PANK4: variants seen among roughly 807,000 people sequenced by gnomAD.
PANK4 encodes 4'-phosphopantetheine phosphatase.
Under a neutral mutation model 87.9 loss-of-function variants are expected in PANK4, and 40 were observed. The ratio of observed to expected loss-of-function variants is 0.46; its 90% CI spans 0.35 to 0.59. The LOEUF (loss-of-function observed/expected upper bound fraction) is 0.59. PANK4 is among the 20% of genes least tolerant of loss of function. The pLI, the probability that PANK4 is intolerant of heterozygous loss-of-function variation, is 0.00. For synonymous variants in PANK4, 524 were observed against 467.4 expected (o/e 1.12, Z -1.56); for missense variants, 926 against 1,072.3 (o/e 0.86, Z 1.90).
In PANK4 at chr1:2,509,685, A is replaced by T; in HGVS notation, c.2108+177T>A. 1.6e-6 allele frequency: 1 copy of T among 639,408 alleles called. No individual in the cohort carries two copies. The highest frequency in any genetic ancestry group is 2.8e-6 in the Non-Finnish European group (1 of 353,720). The allele number at this position is 639,408 out of a possible 1,614,324, so 39.6% of individuals were successfully genotyped here. A position where few individuals can be genotyped will look rare whatever the true frequency, so the allele number is the denominator to read the frequency against. On this transcript the variant is annotated intron_variant, in intron 18 of 18. Transcript: ENST00000378466. This position sits in a 1 kb window ranked among gnomAD's most constrained non-coding sequence, Gnocchi z 4.9. ...GACCCTGAATCCATTCACCCTCCCCAGGCCACCTTCGGGGATGGCATATCT... is the reference window on the plus strand; with the variant it reads ...GACCCTGAATCCATTCACCCTCCCCTGGCCACCTTCGGGGATGGCATATCT...
intron 14 of PANK4, 41 bp downstream of exon 14, chr1:2,511,587 C>G (rs755645104): frequency 4.8e-6 from 7 of 1,445,408 alleles, no homozygotes; most frequent in African/African-American, 1.4e-5. Flanking sequence ...AGGCATGGCC[C>G]CAGCACAAGG....
chr1:2,510,273 G>T lies in PANK4; in HGVS notation c.1939-116C>A. On this transcript the variant is annotated intron_variant, in intron 16 of 18. Coordinates refer to ENST00000378466, the MANE Select transcript of PANK4 (RefSeq NM_018216.4). The surrounding 1 kb of genome is among the most constrained non-coding windows in gnomAD (Gnocchi z 4.9). ...TGAGGGTGCTGTGCCCAGCGGGCCTGGCCAGCCACCTGCTGCTGAGGAGCA... is the reference window on the plus strand; with the variant it reads ...TGAGGGTGCTGTGCCCAGCGGGCCTTGCCAGCCACCTGCTGCTGAGGAGCA... 1.4e-6 allele frequency: 1 copy of T among 719,948 alleles called. No individual in the cohort carries two copies. The highest frequency in any genetic ancestry group is 2.1e-5 in the Admixed American group (1 of 48,120). The allele number at this position is 719,948 out of a possible 1,614,324, so 44.6% of individuals were successfully genotyped here.
intron 12 of PANK4, 25 bp downstream of exon 12, chr1:2,513,977 G>T: frequency 1.3e-6 from 2 of 1,553,246 alleles, no homozygotes; most frequent in Non-Finnish European, 1.8e-6. Context: ...AGAGCGAGCG[G>T]AAGGCCAGGG....
intron 1 of PANK4, chr1:2,526,038 C>G (rs1338085948): frequency 6.6e-6 from 1 of 152,340 alleles, no homozygotes; most frequent in African/African-American, 2.4e-5. Flanking sequence ...TCGACCAGAA[C>G]TAAGGACCCC....
intron 7 of PANK4, 117 bp from the exon 8 acceptor site, chr1:2,518,714 C>A: frequency 1.2e-6 from 1 of 808,628 alleles, no homozygotes; most frequent in Admixed American, 2.1e-5. Flanking sequence ...CGAAGAGGCG[C>A]CATGGCACCC....
chr1:2,519,993 G>A lies in PANK4; in HGVS notation c.700-39C>T, dbSNP rs573782247. On this transcript the variant is annotated intron_variant, in intron 5 of 18. Coordinates refer to ENST00000378466, the MANE Select transcript of PANK4 (RefSeq NM_018216.4). This position sits in a 1 kb window ranked among gnomAD's most constrained non-coding sequence, Gnocchi z 8.3. ...CGAGGGGGCGGGTGAGGCGCCAGGA[G>A]CTGCTGGAATCCCCACGACCCCAGA... The A allele has an allele frequency of 1.1e-4, 174 of 1,514,542 alleles. No individual in the cohort carries two copies. The South Asian group carries it at 2.0e-3, about 17-fold the overall frequency. 93.8% of individuals were successfully genotyped at this position (1,514,542 alleles called of 1,614,324 possible).
chr1:2,518,672 GCGCGGGCCTCGCAC>G, intron 7 of PANK4, 75 bp from the exon 8 acceptor site: 1 of 1,268,712 alleles, frequency 7.9e-7, no homozygotes, highest in East Asian at 2.5e-5. Context: ...AGCTCAACGT[GCGCGGGCCTCGCAC>G]CGCGCGGCCC....
intron 1 of PANK4, among the ~76,000 whole-genome samples, chr1:2,524,303 A>G (rs1415519528): frequency 3.9e-5 from 6 of 152,054 alleles, no homozygotes. Context: ...GCAAGGGAAG[A>G]GGAAATGGGA....
rs1386439352 is a variant in PANK4 at position 2,509,444 on chromosome 1, CT to C, written c.2109-385del. Among the ~76,000 whole-genome samples, 2 of 152,184 alleles carry C rather than the reference CT, an allele frequency of 1.3e-5. No homozygotes were observed. The highest frequency in any genetic ancestry group is 4.8e-5 in the African/African-American group (2 of 41,438). Reference sequence around the variant, plus strand: ...CAGAACCCGCTCATTTAAGGGGTTCCTTCCTCCTCTGCAATCAGGAGGACAG... The same window carrying C: ...CAGAACCCGCTCATTTAAGGGGTTCCTCCTCCTCTGCAATCAGGAGGACAG... On this transcript the variant is annotated intron_variant, in intron 18 of 18. Coordinates refer to ENST00000378466, the MANE Select transcript of PANK4 (RefSeq NM_018216.4). This position sits in a 1 kb window ranked among gnomAD's most constrained non-coding sequence, Gnocchi z 4.9.
At chr1:2,522,478 T>A (rs957994513) in intron 1 of PANK4, among the ~76,000 whole-genome samples, 1 of 152,020 alleles carries the variant, frequency 6.6e-6, no homozygotes, top group East Asian at 1.9e-4. Context: ...AAAGGTTGAA[T>A]AAATATCAGG....
At chr1:2,524,119 C>G (rs944618295) in intron 1 of PANK4, among the ~76,000 whole-genome samples, 3 of 152,246 alleles carry the variant, frequency 2.0e-5, no homozygotes, top group African/African-American at 7.2e-5. Flanking sequence ...AGGAACCCTC[C>G]CCACAGCCCG....
Position 2,511,398 on chromosome 1 carries a change from G to A in PANK4, c.1784-11C>T, listed in dbSNP as rs747459409. The A allele has an allele frequency of 3.1e-6, 5 of 1,602,416 alleles. No individual in the cohort carries two copies. Among genetic ancestry groups the A allele is most frequent in the Non-Finnish European group, 4.3e-6 (5 of 1,170,424 alleles). ...CGAGCCAGGGTCTTTCTGAGACAGA[G>A]AGAGGGACACATGATTAGCCCGGTG... On this transcript the variant is annotated splice_polypyrimidine_tract_variant and intron_variant, in intron 14 of 18. Transcript: ENST00000378466.
rs1195701468 is a variant in PANK4, at chr1:2,526,390, CCCCCGCTCGCCGGCCCACCGCCGGCG to C, written c.124+48_124+73del. On this transcript the variant is annotated intron_variant, in intron 1 of 18. Coordinates refer to ENST00000378466, the MANE Select transcript of PANK4 (RefSeq NM_018216.4). ...CCCCCGCCCTTCGTCCTTCCCGCCG[CCCCCGCTCGCCGGCCCACCGCCGGCG>C]CCCCGCCCGCCCCCGCAGCCCGCGC... 9.1e-6 allele frequency: 8 copies of C among 881,890 alleles called. 1 individual carries two copies. Among genetic ancestry groups the C allele is most frequent in the Non-Finnish European group, 1.1e-5 (8 of 733,470 alleles). The allele number at this position is 881,890 out of a possible 1,614,324, so 54.6% of individuals were successfully genotyped here. A position where few individuals can be genotyped will look rare whatever the true frequency, so the allele number is the denominator to read the frequency against.
chr1:2,526,319 G>GA (rs1207907749), intron 1 of PANK4, 145 bp downstream of exon 1: 8 of 291,140 alleles, frequency 2.7e-5, no homozygotes, highest in African/African-American at 1.8e-4. Flanking sequence ...GGCTGTGCGC[G>GA]GGCCCGCGGA....
In PANK4 at chr1:2,515,729, G is replaced by A; in HGVS notation, c.1219-12C>T. The A allele has an allele frequency of 2.0e-5, 32 of 1,611,974 alleles. No homozygotes were observed. Among genetic ancestry groups the A allele is most frequent in the Non-Finnish European group, 2.5e-5 (30 of 1,179,320 alleles). ...TCCAGCAAGTCAAACTGGAAGACAG[G>A]CAGTGGCAGGGTGGAAACGTCACCA... On this transcript the variant is annotated splice_polypyrimidine_tract_variant and intron_variant, in intron 9 of 18. Transcript: ENST00000378466. This position sits in a 1 kb window ranked among gnomAD's most constrained non-coding sequence, Gnocchi z 5.0.
chr1:2,515,740 G>A lies in PANK4; in HGVS notation c.1219-23C>T. 3.1e-6 allele frequency: 5 copies of A among 1,609,862 alleles called. No homozygotes were observed. In the South Asian group the frequency reaches 4.4e-5, roughly 14 times the overall value. On this transcript the variant is annotated intron_variant, in intron 9 of 18. Coordinates refer to ENST00000378466, the MANE Select transcript of PANK4 (RefSeq NM_018216.4). This position sits in a 1 kb window ranked among gnomAD's most constrained non-coding sequence, Gnocchi z 5.0. ...AAACTGGAAGACAGGCAGTGGCAGG[G>A]TGGAAACGTCACCATGGTTCAGAAC...
intron 10 of PANK4, among the ~76,000 whole-genome samples, chr1:2,514,914 GCCC>G (rs1238892008): frequency 2.0e-5 from 3 of 151,984 alleles, no homozygotes; most frequent in Non-Finnish European, 4.4e-5. Context: ...TCAGACTCGA[GCCC>G]CCATCCTGTG....
intron 13 of PANK4, 108 bp from the exon 14 acceptor site, chr1:2,511,791 G>T: frequency 1.4e-6 from 1 of 717,136 alleles, no homozygotes; most frequent in Non-Finnish European, 2.5e-6. Context: ...AGAGGCAGCT[G>T]CTCAATGTAA....
rs1643640481 is a variant in PANK4, at chr1:2,510,354, G to A, written c.1939-197C>T. ...CCCCTGGGAGGGAGCTGAGCCGAGG[G>A]GCAGAGCTGAGTTTAGAGCCTGCCC... On this transcript the variant is annotated intron_variant, in intron 16 of 18. Transcript: ENST00000378466. The surrounding 1 kb of genome is among the most constrained non-coding windows in gnomAD (Gnocchi z 4.9). The A allele has an allele frequency of 1.3e-5, 8 of 608,644 alleles. No individual in the cohort carries two copies. The highest frequency in any genetic ancestry group is 5.5e-5 in the East Asian group (2 of 36,406). The allele number at this position is 608,644 out of a possible 1,614,324, so 37.7% of individuals were successfully genotyped here. A position where few individuals can be genotyped will look rare whatever the true frequency, so the allele number is the denominator to read the frequency against.
Sources: allele counts gnomAD v4.1 joint callset (sites outside exome capture counted in the v4.1 genomes callset), GRCh38; gene constraint gnomAD v4.1.1; non-coding constraint Gnocchi (gnomAD v3.1); transcripts MANE v1.5; gene names NCBI Gene and HGNC (gene_info 2026-07-23, HGNC 2026-07-21).